ARSG: variants seen among roughly 807,000 people sequenced by gnomAD.
The protein encoded by ARSG is ASG.
In ARSG, 37 loss-of-function variants were observed where a neutral mutation model predicts 50.5. That is an observed-to-expected ratio of 0.73 (90% CI 0.56 to 0.96). The LOEUF (loss-of-function observed/expected upper bound fraction) is 0.96. Among genes scored for constraint, ARSG ranks in the 50% least tolerant of loss-of-function variants. The pLI is 0.00. For synonymous variants in ARSG, 225 were observed against 254.6 expected, an observed-to-expected ratio of 0.88 and a Z score of 1.11; for missense variants, 629 against 675.3, an observed-to-expected ratio of 0.93 and a Z score of 0.76.
chr17:68,439,589 A>G, the ARSG span, among the ~76,000 whole-genome samples: 5 of 152,350 alleles, frequency 3.3e-5, no homozygotes, highest in African/African-American at 9.6e-5. Context: ...AAAGCTATTG[A>G]ACCATGCATT....
the ARSG span, among the ~76,000 whole-genome samples, chr17:68,433,785 T>TTG: frequency 1.1e-5 from 1 of 88,268 alleles, no homozygotes; most frequent in African/African-American, 3.9e-5. Flanking sequence ...TTTTTTTTTT[T>TTG]TTTTTTTTTT....
chr17:68,395,965 C>A (rs537227055), intron 10 of ARSG, among the ~76,000 whole-genome samples: 1 of 152,022 alleles, frequency 6.6e-6, no homozygotes, highest in African/African-American at 2.4e-5. Context: ...CCAACATTCT[C>A]CCAGCTCCAG....
chr17:68,365,569 C>T (rs989333534), intron 6 of ARSG, among the ~76,000 whole-genome samples: 2 of 152,146 alleles, frequency 1.3e-5, no homozygotes, highest in African/African-American at 4.8e-5. Flanking sequence ...GCTCAGGGTG[C>T]TAATGTGACT....
the ARSG span, among the ~76,000 whole-genome samples, chr17:68,444,091 C>T: frequency 6.6e-6 from 1 of 152,180 alleles, no homozygotes; most frequent in Non-Finnish European, 1.5e-5. Context: ...TTTTTGCTGG[C>T]CATGCAGACA....
chr17:68,381,476 A>G lies in ARSG; in HGVS notation c.983-3588A>G, dbSNP rs370387805. On this transcript the variant is annotated intron_variant, in intron 8 of 11. Coordinates refer to ENST00000621439, the MANE Select transcript of ARSG (RefSeq NM_001267727.2). The surrounding 1 kb of genome is among the most constrained non-coding windows in gnomAD (Gnocchi z 4.1). ...TTTTAATGTGCCAGTGCCTGATCAA[A>G]GTATGGAGGCTTATCTAAATGAATA... Among the ~76,000 whole-genome samples the G allele has an allele frequency of 6.6e-6, 1 of 151,650 alleles. No individual in the cohort carries two copies. Among genetic ancestry groups the G allele is most frequent in the Admixed American group, 6.6e-5 (1 of 15,082 alleles).
intron 11 of ARSG, among the ~76,000 whole-genome samples, chr17:68,411,247 T>G (rs892576207): frequency 6.6e-6 from 1 of 152,268 alleles, no homozygotes. Flanking sequence ...TTCTGCTTTC[T>G]CTTGTGGGCA....
At chr17:68,322,658 G>C (rs2077339330) in intron 2 of ARSG, among the ~76,000 whole-genome samples, 1 of 151,806 alleles carries the variant, frequency 6.6e-6, no homozygotes, top group African/African-American at 2.4e-5. Flanking sequence ...AAGAAATTAA[G>C]ATAGCTGTTC....
chr17:68,265,156 G>GAAAAAAA (rs369928777), intron 1 of ARSG, among the ~76,000 whole-genome samples: 3 of 73,646 alleles, frequency 4.1e-5, no homozygotes, highest in Non-Finnish European at 8.5e-5. Flanking sequence ...CTCCATCTCA[G>GAAAAAAA]AAAAAAAAAA....
intron 9 of ARSG, among the ~76,000 whole-genome samples, chr17:68,390,595 A>C (rs894393769): frequency 1.3e-5 from 2 of 151,950 alleles, no homozygotes; most frequent in African/African-American, 4.8e-5. Context: ...CATCAGACCC[A>C]TGAGGCATAG....
intron 3 of ARSG, among the ~76,000 whole-genome samples, chr17:68,345,426 C>T (rs532983416): frequency 6.6e-6 from 1 of 152,326 alleles, no homozygotes; most frequent in South Asian, 2.1e-4. Flanking sequence ...TGAATTTGAC[C>T]TCACTGGCCC....
chr17:68,367,984 C>G lies in ARSG; in HGVS notation c.705-564C>G, dbSNP rs771686637. Among the ~76,000 whole-genome samples, 36 of 152,068 alleles carry G rather than the reference C, an allele frequency of 2.4e-4. No individual in the cohort carries two copies. Among genetic ancestry groups the G allele is most frequent in the Non-Finnish European group, 5.9e-5 (4 of 68,000 alleles). ...ACTCAGGAGGCTGAGGCGGGAGTAT[C>G]GCTTGAACCCAGGAGGCGGAAGTTG... is the stretch of plus-strand genomic sequence containing the variant. On this transcript the variant is annotated intron_variant, in intron 6 of 11. Coordinates refer to ENST00000621439, the MANE Select transcript of ARSG (RefSeq NM_001267727.2). The surrounding 1 kb of genome is among the most constrained non-coding windows in gnomAD (Gnocchi z 4.5).
intron 5 of ARSG, among the ~76,000 whole-genome samples, chr17:68,352,088 GGAGA>G (rs34934330): frequency 0.052 from 5,387 of 103,238 alleles, 352 homozygotes; most frequent in African/African-American, 0.12. Context: ...GAGAGACAGA[GGAGA>G]GAGAGAGAGA....
At chr17:68,413,338 C>T (rs981938724) in intron 11 of ARSG, among the ~76,000 whole-genome samples, 1 of 152,190 alleles carries the variant, frequency 6.6e-6, no homozygotes, top group Non-Finnish European at 1.5e-5. Context: ...TTCCTTGTAA[C>T]AGACAGGACC....
At chr17:68,293,492 CTAA>C (rs10570607) in intron 1 of ARSG, among the ~76,000 whole-genome samples, 8,613 of 150,590 alleles carry the variant, frequency 0.057, 776 homozygotes, top group African/African-American at 0.19. Flanking sequence ...GAGCATGATT[CTAA>C]TAATAATAAT....
At chr17:68,426,243 G>GA, downstream of ARSG, 3 of 935,360 alleles carry the variant, frequency 3.2e-6, 1 homozygote, top group Admixed American at 8.0e-5. Context: ...CCTGGCGGGT[G>GA]GGGAGCGGGG....
chr17:68,420,652 G>A lies in ARSG; in HGVS notation c.*189G>A, dbSNP rs985587311. ...GCCGACCCGAGAGCAGCTGAGCTGC[G>A]CTGGCTCTGGGCAGGGAGTGTGCCT... On this transcript the variant is annotated 3_prime_UTR_variant, in exon 12 of 12. Transcript: ENST00000621439. 18 of 685,698 alleles carry A rather than the reference G, an allele frequency of 2.6e-5. No individual in the cohort carries two copies. The highest frequency in any genetic ancestry group is 1.8e-4 in the African/African-American group (10 of 55,336). The allele number at this position is 685,698 out of a possible 1,614,324, so 42.5% of individuals were successfully genotyped here.
At chr17:68,354,128 A>G (rs2078928340) in intron 5 of ARSG, among the ~76,000 whole-genome samples, 1 of 150,856 alleles carries the variant, frequency 6.6e-6, no homozygotes. Flanking sequence ...TATGTTAAAA[A>G]TCCAGTAGAA....
rs9890178 is a variant in ARSG at position 68,337,890 on chromosome 17, T to C, written c.219-5714T>C. Among the ~76,000 whole-genome samples, 472 of 152,262 alleles carry C rather than the reference T, an allele frequency of 3.1e-3. 4 individuals carry two copies. Among genetic ancestry groups the C allele is most frequent in the Middle Eastern group, 0.01 (3 of 294 alleles). On this transcript the variant is annotated intron_variant, in intron 2 of 11. Transcript: ENST00000621439. ...CCTTGGCCTCCCAAAGTGCTGGGAT[T>C]ACAGGTGTGAGCCACTGCGCCCGGC...
chr17:68,424,858 C>T (rs184329751), downstream of ARSG, among the ~76,000 whole-genome samples: 2 of 152,224 alleles, frequency 1.3e-5, no homozygotes, highest in East Asian at 3.8e-4. Flanking sequence ...GCCTGGGTGA[C>T]AGAGCAAGAC....
Sources: gnomAD v4.1 joint callset for allele counts (sites outside exome capture counted in the v4.1 genomes callset) on GRCh38, gnomAD v4.1.1 for gene constraint, Gnocchi (gnomAD v3.1) non-coding constraint, MANE v1.5 for transcripts, NCBI Gene and HGNC (gene_info 2026-07-23, HGNC 2026-07-21) for gene names.